DSE: variants seen among roughly 807,000 people sequenced by gnomAD.
DSE encodes dermatan sulfate epimerase.
DSE carries 36 observed loss-of-function variants against 84.4 expected under a neutral mutation model. The ratio of observed to expected loss-of-function variants is 0.43; its 90% CI spans 0.33 to 0.56. DSE has a LOEUF of 0.56. DSE is among the 20% of genes least tolerant of loss of function. The pLI is 0.06. For synonymous variants in DSE, 410 were observed against 430.1 expected, an observed-to-expected ratio of 0.95 and a Z score of 0.58; for missense variants, 862 against 1,169.6, an observed-to-expected ratio of 0.74 and a Z score of 3.84.
intron 2 of DSE, among the ~76,000 whole-genome samples, chr6:116,284,287 C>G (rs1773731273): frequency 1.3e-5 from 2 of 152,140 alleles, no homozygotes; most frequent in Non-Finnish European, 2.9e-5. Context: ...ATGTACCAGC[C>G]ACTTTTATAA....
At chr6:116,367,353 AAAAC>A (rs1456158531), upstream of DSE, 1 of 152,268 alleles carries the variant, frequency 6.6e-6, no homozygotes, top group Non-Finnish European at 1.5e-5. Context: ...CTGAGGAAGA[AAAAC>A]AAAAAGCATT....
At chr6:116,258,347 TC>T in intron 1 of DSE, 1 of 576,626 alleles carries the variant, frequency 1.7e-6, no homozygotes, top group Non-Finnish European at 3.1e-6. Flanking sequence ...GCTTTATAAC[TC>T]CCTTTTCCTT....
intron 1 of DSE, chr6:116,254,533 G>T: frequency 4.4e-6 from 1 of 229,060 alleles, no homozygotes; most frequent in Non-Finnish European, 9.0e-6. Context: ...TTAAAGAGAA[G>T]TGTTGCTGTG....
intron 1 of DSE, among the ~76,000 whole-genome samples, chr6:116,372,240 A>C (rs1009068310): frequency 6.6e-6 from 1 of 152,206 alleles, no homozygotes; most frequent in Non-Finnish European, 1.5e-5. Flanking sequence ...AGGCCGAGGC[A>C]GGCGGATCAC....
At chr6:116,283,735 G>C (rs1773687570) in intron 2 of DSE, among the ~76,000 whole-genome samples, 1 of 152,026 alleles carries the variant, frequency 6.6e-6, no homozygotes. Context: ...GTAGAGAAGG[G>C]GTTTCCCCAC....
chr6:116,348,491 A>T (rs1314026815), intron 2 of DSE, among the ~76,000 whole-genome samples: 1 of 152,044 alleles, frequency 6.6e-6, no homozygotes, highest in Non-Finnish European at 1.5e-5. Context: ...GCTGGAGAGG[A>T]TGTGGAGAAA....
upstream of DSE, among the ~76,000 whole-genome samples, chr6:116,367,708 C>T (rs1779245659): frequency 6.6e-6 from 1 of 152,128 alleles, no homozygotes; most frequent in Non-Finnish European, 1.5e-5. Flanking sequence ...ATAAAATAAG[C>T]TTTCAAAGAG....
intron 2 of DSE, among the ~76,000 whole-genome samples, chr6:116,407,349 A>G (rs1305552871): frequency 6.6e-6 from 1 of 152,168 alleles, no homozygotes; most frequent in African/African-American, 2.4e-5. Flanking sequence ...GAGAGAAAAG[A>G]TGGTTCACTT....
intron 2 of DSE, among the ~76,000 whole-genome samples, chr6:116,318,877 A>C: frequency 6.6e-6 from 1 of 152,214 alleles, no homozygotes. Flanking sequence ...AATGTCTAAG[A>C]AAACTGTGTA....
intron 2 of DSE, among the ~76,000 whole-genome samples, chr6:116,308,918 C>T (rs187452131): frequency 5.3e-5 from 8 of 152,090 alleles, no homozygotes; most frequent in East Asian, 3.9e-4. Flanking sequence ...TGAATAAAAA[C>T]GGTATATAAA....
At chr6:116,370,775 G>C, upstream of DSE, 1 of 958,278 alleles carries the variant, frequency 1.0e-6, no homozygotes, top group Non-Finnish European at 1.2e-6. Flanking sequence ...CGGGCCTGCG[G>C]TCGGGGTTCG....
In DSE at chr6:116,438,236, C is replaced by T. The variant is rs1259135377; in HGVS notation, c.*891C>T. 1 of 152,200 alleles carries T rather than the reference C, an allele frequency of 6.6e-6. No homozygotes were observed. Among genetic ancestry groups the T allele is most frequent in the Non-Finnish European group, 1.5e-5 (1 of 67,890 alleles). The allele number at this position is 152,200 out of a possible 1,614,324, so 9.4% of individuals were successfully genotyped here. ...ATTCTTATGTTTTTTTAATAGAAAA[C>T]CTTCTTCAAGTTTATTTTCCTAAAT... On this transcript the variant is annotated 3_prime_UTR_variant, in exon 6 of 6. Coordinates refer to ENST00000644252, the MANE Select transcript of DSE (RefSeq NM_013352.4).
chr6:116,336,193 A>G (rs576698920), intron 2 of DSE, among the ~76,000 whole-genome samples: 6 of 152,362 alleles, frequency 3.9e-5, no homozygotes, highest in Non-Finnish European at 7.3e-5. Flanking sequence ...TATATCTTGC[A>G]GTATATGAAC....
chr6:116,365,322 C>T (rs932126869), intron 2 of DSE, among the ~76,000 whole-genome samples: 24 of 152,206 alleles, frequency 1.6e-4, no homozygotes, highest in Middle Eastern at 6.8e-3. Context: ...GTGGTGCAAT[C>T]GGCTCACTGC....
At chr6:116,308,429 A>G (rs1344336708) in intron 2 of DSE, among the ~76,000 whole-genome samples, 3 of 152,198 alleles carry the variant, frequency 2.0e-5, no homozygotes, top group Admixed American at 6.5e-5. Flanking sequence ...TAGACAGAAA[A>G]TATTTGTTGA....
chr6:116,427,034 G>A (rs1486840840), intron 3 of DSE, among the ~76,000 whole-genome samples: 1 of 152,208 alleles, frequency 6.6e-6, no homozygotes, highest in African/African-American at 2.4e-5. Flanking sequence ...TAGCCGGCAT[G>A]TTATCTAATT....
At chr6:116,417,569 T>C (rs3798404) in intron 2 of DSE, among the ~76,000 whole-genome samples, 1 of 152,140 alleles carries the variant, frequency 6.6e-6, no homozygotes, top group African/African-American at 2.4e-5. Context: ...ATTTGGGATA[T>C]TGAATTCACA....
intron 2 of DSE, among the ~76,000 whole-genome samples, chr6:116,290,237 C>T (rs1774194606): frequency 6.6e-6 from 1 of 152,034 alleles, no homozygotes; most frequent in Admixed American, 6.6e-5. Context: ...GTTACTGCCA[C>T]CTATTTTCTA....
Position 116,436,760 on chromosome 6 carries a change from C to T in DSE, c.2292C>T (p.Val764=). ...QLLEKQILSR[V]RNTASFRKTA... ...TGGAGAAGCAGATACTGTCCCGAGT[C>T]CGGAACACAGCTAGCTTTAGGAAGA... The change falls in exon 6 of 6, where the codon GTC becomes GTT. Residue 764 remains valine, a synonymous_variant. Coordinates refer to ENST00000644252, the MANE Select transcript of DSE (RefSeq NM_013352.4). The T allele has an allele frequency of 6.2e-7, 1 of 1,614,096 alleles. No homozygotes were observed. The highest frequency in any genetic ancestry group is 1.3e-5 in the African/African-American group (1 of 75,034).
Sources: allele counts gnomAD v4.1 joint callset (sites outside exome capture counted in the v4.1 genomes callset), GRCh38; gene constraint gnomAD v4.1.1; transcripts MANE v1.5; gene names NCBI Gene and HGNC (gene_info 2026-07-23, HGNC 2026-07-21).